KIF14: variants seen among roughly 807,000 people sequenced by gnomAD.
The protein encoded by KIF14 is kinesin-like protein KIF14.
A neutral mutation model predicts 176.2 loss-of-function variants in KIF14; 98 were observed. That is an observed-to-expected ratio of 0.56 (90% confidence interval 0.47 to 0.66). The LOEUF is 0.66. KIF14 is among the 30% of genes least tolerant of loss of function. The pLI is 0.00. For synonymous variants in KIF14, 566 were observed against 632.2 expected (o/e 0.90, Z 1.57); for missense variants, 1,751 against 1,920.4 (o/e 0.91, Z 1.65).
In KIF14 at chr1:200,593,934, T is replaced by TTTTG. The variant is rs372016327; in HGVS notation, c.2550-166_2550-165insCAAA. ...TTTATTTTCCTCCAACTAGTTTTTT[T>TTTTG]TTTTTTTTTTTTTTGAGACGGAGTC... On this transcript the variant is annotated intron_variant, in intron 14 of 29. Transcript: ENST00000367350. Among the ~76,000 whole-genome samples, 97 of 140,616 alleles carry TTTTG rather than the reference T, an allele frequency of 6.9e-4. 1 individual carries two copies. In the East Asian group the frequency reaches 0.019, roughly 28 times the overall value. 92.2% of individuals were successfully genotyped at this position (140,616 alleles called of 152,430 possible).
Position 200,617,618 on chromosome 1 carries a change from G to A in KIF14, c.1106C>T (p.Thr369Ile). 6.3e-7 allele frequency: 1 copy of A among 1,598,444 alleles called. No individual in the cohort carries two copies. The highest frequency in any genetic ancestry group is 8.5e-7 in the Non-Finnish European group (1 of 1,171,016). ...TTTAAAAGGCATCACATACCTCTTGGTGAAAGGTCTTACGCGTACTGCCAC... is the reference window on the plus strand; with the variant it reads ...TTTAAAAGGCATCACATACCTCTTGATGAAAGGTCTTACGCGTACTGCCAC... ...VTVAVRVRPF[T>I]KREKIEKASQ... Residue 369 changes from threonine (T) to isoleucine (I), a missense_variant, in exon 2 of 30, where the codon ACC becomes ATC. By Grantham distance (89) the Thr-to-Ile change is moderately conservative. Transcript: ENST00000367350.
intron 1 of KIF14, among the ~76,000 whole-genome samples, chr1:200,619,939 T>G (rs1660603576): frequency 6.6e-6 from 1 of 152,228 alleles, no homozygotes; most frequent in African/African-American, 2.4e-5. Flanking sequence ...TAGTCAGCTT[T>G]GTATCCAACT....
chr1:200,603,991 A>G (rs1177988421), intron 8 of KIF14, 36 bp from the exon 9 acceptor site: 18 of 1,237,206 alleles, frequency 1.5e-5, no homozygotes, highest in Non-Finnish European at 1.9e-5. Flanking sequence ...ATTAAGTTCT[A>G]TTACTTCCAA....
At position 200,553,298 on chromosome 1, in the gene KIF14, T is replaced by C. The variant is rs2102545347; in HGVS notation, c.*90A>G. On this transcript the variant is annotated 3_prime_UTR_variant, in exon 30 of 30. Transcript: ENST00000367350. Reference sequence around the variant, plus strand: ...ACTTTTTTGAAATATCTGTGCTGATTTCTCTTAAACTCTCCTGCATAAAGA... The same window carrying C: ...ACTTTTTTGAAATATCTGTGCTGATCTCTCTTAAACTCTCCTGCATAAAGA... 1 of 1,323,034 alleles carries C rather than the reference T, an allele frequency of 7.6e-7. No individual in the cohort carries two copies. The allele number at this position is 1,323,034 out of a possible 1,614,324, so 82.0% of individuals were successfully genotyped here.
In KIF14 at chr1:200,569,980, T is replaced by C. The variant is rs1657687774; in HGVS notation, c.3592A>G (p.Arg1198Gly). The C allele has an allele frequency of 2.5e-6, 4 of 1,601,894 alleles. No homozygotes were observed. Among genetic ancestry groups the C allele is most frequent in the African/African-American group, 1.3e-5 (1 of 74,792 alleles). The change falls in exon 23 of 30, where the codon AGA (arginine) becomes GGA (glycine). Residue 1198 changes from arginine (R) to glycine (G), a missense_variant. Coordinates refer to ENST00000367350, the MANE Select transcript of KIF14 (RefSeq NM_014875.3). The part of the protein sequence containing the change: ...RRSRSLMKNR[R>G]ISGCLHDIQV... ...ATGTCATGTAAACAACCAGAAATTCTTCTGTTCTTCATCAAACTCCTACTC... is the reference window on the plus strand; with the variant it reads ...ATGTCATGTAAACAACCAGAAATTCCTCTGTTCTTCATCAAACTCCTACTC...
intron 26 of KIF14, 108 bp downstream of exon 26, chr1:200,560,614 G>T: frequency 8.5e-7 from 1 of 1,177,560 alleles, no homozygotes; most frequent in Non-Finnish European, 1.2e-6. Context: ...AAAAGTACAA[G>T]CTATTTTGAA....
chr1:200,571,232 G>A (rs540940806), intron 22 of KIF14, among the ~76,000 whole-genome samples: 8 of 149,246 alleles, frequency 5.4e-5, no homozygotes, highest in Admixed American at 6.8e-5. Context: ...GAAGAATGGC[G>A]TAAACCTGGG....
rs1427482855 is a variant in KIF14, at chr1:200,595,980, C to T, written c.2550-2211G>A. Among the ~76,000 whole-genome samples the T allele has an allele frequency of 6.2e-5, 9 of 145,604 alleles. No individual in the cohort carries two copies. In the South Asian group the frequency reaches 1.1e-3, roughly 18 times the overall value. ...ATATAAAGATTCATTACAGGCCGGT[C>T]GTGGTAGCTCACACCTGTAATCCCA... On this transcript the variant is annotated intron_variant, in intron 14 of 29. Coordinates refer to ENST00000367350, the MANE Select transcript of KIF14 (RefSeq NM_014875.3).
rs188021809 is a variant in KIF14 at position 200,567,048 on chromosome 1, C to T, written c.3662-1379G>A. Among the ~76,000 whole-genome samples the T allele has an allele frequency of 3.5e-3, 532 of 151,842 alleles. 4 individuals are homozygous for T. The highest frequency in any genetic ancestry group is 0.011 in the South Asian group (53 of 4,794). ...AATCAGCCAGGCATGGTGGTGGGCG[C>T]CTGTAATTCCAGCTACCTGGGACGC... On this transcript the variant is annotated intron_variant, in intron 23 of 29. Coordinates refer to ENST00000367350, the MANE Select transcript of KIF14 (RefSeq NM_014875.3).
rs942420938 is a variant in KIF14 at position 200,618,335 on chromosome 1, G to A, written c.389C>T (p.Ala130Val). 6.2e-7 allele frequency: 1 copy of A among 1,613,948 alleles called. No homozygotes were observed. Among genetic ancestry groups the A allele is most frequent in the Non-Finnish European group, 8.5e-7 (1 of 1,180,016 alleles). The change falls in exon 2 of 30, where the codon GCA becomes GTA. Residue 130 changes from alanine to valine, a missense_variant. Physicochemically the swap from Ala to Val is moderately conservative, Grantham distance 64. Transcript: ENST00000367350. ...TLQRRAKTDSAEKWKTAEIDS... is the reference protein window; with the variant it reads ...TLQRRAKTDSVEKWKTAEIDS... ...TATTTCAGCTGTTTTCCACTTTTCT[G>A]CAGAATCTGTTTTAGCACGACGTTG...
intron 23 of KIF14, 98 bp from the exon 24 acceptor site, chr1:200,565,767 T>C (rs1394513393): frequency 1.3e-6 from 1 of 747,870 alleles, no homozygotes; most frequent in Non-Finnish European, 2.1e-6. Context: ...TCTGCATTAC[T>C]GAAATGTATT....
At chr1:200,585,236 T>C (rs919814038) in intron 19 of KIF14, among the ~76,000 whole-genome samples, 4 of 140,402 alleles carry the variant, frequency 2.8e-5, no homozygotes, top group African/African-American at 5.1e-5. Flanking sequence ...AGTGTCCTCA[T>C]GACAAAAAAA....
At chr1:200,592,784 C>T (rs1015309053) in intron 15 of KIF14, among the ~76,000 whole-genome samples, 12 of 152,164 alleles carry the variant, frequency 7.9e-5, no homozygotes, top group African/African-American at 2.9e-4. Flanking sequence ...TTACACAAAC[C>T]TGGATGGTAT....
intron 7 of KIF14, 90 bp downstream of exon 7, chr1:200,605,774 T>C (rs937889548): frequency 1.2e-6 from 1 of 801,522 alleles, no homozygotes; most frequent in Non-Finnish European, 1.9e-6. Flanking sequence ...ACCTTTTATT[T>C]GTAAAACAGC....
At position 200,559,440 on chromosome 1, in the gene KIF14, C is replaced by A. The variant is rs148694444; in HGVS notation, c.4243G>T (p.Asp1415Tyr). ...AAGCCTACACCATCACAAACAGCAT[C>A]CATGAATTCCTCCTAGAAAAAGAAT... ...KAASVQEEFM[D>Y]AVCDGVGLGM... Residue 1415 changes from aspartate to tyrosine, a missense_variant, in exon 27 of 30, where the codon GAT becomes TAT. By Grantham distance (160) the Asp-to-Tyr change is radical. Transcript: ENST00000367350. The A allele has an allele frequency of 9.9e-6, 15 of 1,511,188 alleles. No homozygotes were observed. In the African/African-American group the frequency reaches 2.1e-4, roughly 21 times the overall value. The allele number at this position is 1,511,188 out of a possible 1,614,324, so 93.6% of individuals were successfully genotyped here.
chr1:200,575,542 CACAT>C (rs772357366), intron 22 of KIF14, 45 bp downstream of exon 22: 1,064 of 948,720 alleles, frequency 1.1e-3, no homozygotes, highest in African/African-American at 5.5e-3. Context: ...CACACACACA[CACAT>C]GCACACACAA....
intron 10 of KIF14, 121 bp downstream of exon 10, chr1:200,603,105 T>C: frequency 1.8e-6 from 1 of 549,574 alleles, no homozygotes; most frequent in Non-Finnish European, 3.1e-6. Context: ...AGTTTGGCTC[T>C]AGAATTCATA....
rs372089559 is a variant in KIF14, at chr1:200,559,348, C to T, written c.4335G>A (p.Arg1445=). Reference sequence around the variant, plus strand: ...ATCTTACCTCATTTTTTGTACACTGCCTAAAGAGTTCATGCTGAAGTTCTT... The same window carrying T: ...ATCTTACCTCATTTTTTGTACACTGTCTAAAGAGTTCATGCTGAAGTTCTT... ...KAKELQHELF[R]QCTKNEVTKE... The change falls in exon 27 of 30, where the codon AGG becomes AGA. Residue 1445 remains arginine (R), a synonymous_variant. Transcript: ENST00000367350. 25 of 1,583,554 alleles carry T rather than the reference C, an allele frequency of 1.6e-5. No homozygotes were observed. Among genetic ancestry groups the T allele is most frequent in the East Asian group, 2.3e-5 (1 of 43,204 alleles).
chr1:200,572,880 TATTTA>T, intron 22 of KIF14, among the ~76,000 whole-genome samples: 1 of 152,324 alleles, frequency 6.6e-6, no homozygotes, highest in Non-Finnish European at 1.5e-5. Context: ...CTAAGGACCA[TATTTA>T]GCTCACTTCA....
Sources: gnomAD v4.1 joint callset for allele counts (sites outside exome capture counted in the v4.1 genomes callset) on GRCh38, gnomAD v4.1.1 for gene constraint, MANE v1.5 for transcripts, NCBI Gene and HGNC (gene_info 2026-07-23, HGNC 2026-07-21) for gene names.